EPB41L4A: variants seen among roughly 807,000 people sequenced by gnomAD.
EPB41L4A encodes the protein band 4.1-like protein 4A.
A neutral mutation model predicts 108.6 loss-of-function variants in EPB41L4A; 100 were observed. That is an observed-to-expected ratio of 0.92 (90% CI 0.78 to 1.09). EPB41L4A has a LOEUF of 1.09. EPB41L4A is among the 50% of genes least tolerant of loss of function. The pLI is 0.00. For missense variants in EPB41L4A, 1,030 were observed against 842.7 expected (o/e 1.22, Z -2.75); for synonymous variants, 319 against 289.0 (o/e 1.10, Z -1.05).
intron 4 of EPB41L4A, among the ~76,000 whole-genome samples, chr5:112,268,551 C>T (rs1361599901): frequency 6.6e-6 from 1 of 152,086 alleles, no homozygotes; most frequent in Non-Finnish European, 1.5e-5. Context: ...ATGCAAATTT[C>T]TCTTCCTCTA....
intron 12 of EPB41L4A, among the ~76,000 whole-genome samples, chr5:112,233,082 T>A (rs1749069554): frequency 6.6e-6 from 1 of 151,182 alleles, no homozygotes; most frequent in African/African-American, 2.4e-5. Context: ...CCATCAACAG[T>A]AGAATGAATA....
At chr5:112,145,465 T>A (rs1242945894) in intron 13 of EPB41L4A, among the ~76,000 whole-genome samples, 1 of 152,138 alleles carries the variant, frequency 6.6e-6, no homozygotes, top group Non-Finnish European at 1.5e-5. Context: ...AATAAATAAA[T>A]AAAAATAAGT....
intron 13 of EPB41L4A, among the ~76,000 whole-genome samples, chr5:112,145,406 G>T (rs1489965634): frequency 2.6e-5 from 4 of 152,200 alleles, no homozygotes; most frequent in African/African-American, 7.2e-5. Context: ...TGAAGAAACT[G>T]CTAAATGAAT....
At chr5:112,297,059 T>C (rs1337566615) in intron 2 of EPB41L4A, among the ~76,000 whole-genome samples, 1 of 152,064 alleles carries the variant, frequency 6.6e-6, no homozygotes, top group Non-Finnish European at 1.5e-5. Context: ...GCATTTGGGT[T>C]GGTTCCACAT....
In EPB41L4A at chr5:112,195,544, T is replaced by C. The variant is rs1028817382; in HGVS notation, c.1424+117A>G. 119 of 850,582 alleles carry C rather than the reference T, an allele frequency of 1.4e-4. No homozygotes were observed. The East Asian group carries it at 3.1e-3, about 22-fold the overall frequency. 52.7% of individuals were successfully genotyped at this position (850,582 alleles called of 1,614,324 possible). On this transcript the variant is annotated intron_variant, in intron 16 of 22. Transcript: ENST00000261486. ...GGAATCAGCTGAAGACAAACTGGCT[T>C]TTGAAAGTAAAAAAAATAAAAAAAA...
intron 1 of EPB41L4A, among the ~76,000 whole-genome samples, chr5:112,345,257 T>A (rs897600970): frequency 6.6e-6 from 1 of 152,050 alleles, no homozygotes; most frequent in Admixed American, 6.6e-5. Flanking sequence ...AATCCACAAC[T>A]GAGAAAAAAG....
At chr5:112,148,245 T>C (rs1362992896) in intron 12 of EPB41L4A, among the ~76,000 whole-genome samples, 2 of 149,000 alleles carry the variant, frequency 1.3e-5, no homozygotes, top group Non-Finnish European at 3.0e-5. Flanking sequence ...ACAAAAGTAG[T>C]TTCCATAGGT....
chr5:112,327,606 C>T (rs1253158331), intron 1 of EPB41L4A, among the ~76,000 whole-genome samples: 1 of 152,076 alleles, frequency 6.6e-6, no homozygotes, highest in Non-Finnish European at 1.5e-5. Context: ...GCCCTAACTA[C>T]TCTGGAGGCT....
chr5:112,259,964 C>G lies in EPB41L4A; in HGVS notation c.658G>C (p.Glu220Gln). 2 of 1,613,912 alleles carry G rather than the reference C, an allele frequency of 1.2e-6. No individual in the cohort carries two copies. The highest frequency in any genetic ancestry group is 1.7e-6 in the Non-Finnish European group (2 of 1,179,792). Residue 220 changes from glutamate (E) to glutamine (Q), a missense_variant, in exon 8 of 23, where the codon GAG becomes CAG. Physicochemically the swap from Glu to Gln is conservative, Grantham distance 29. Transcript: ENST00000261486. ...LHPVYGENKS[E>Q]YFLGLTPVGV... ...ACCGGAGTTAATCCTAAGAAATACT[C>G]AGACTTGTTTTCTCCCTGCAAAAAC...
intron 1 of EPB41L4A, among the ~76,000 whole-genome samples, chr5:112,354,493 C>T (rs1338357505): frequency 6.6e-6 from 1 of 152,130 alleles, no homozygotes; most frequent in African/African-American, 2.4e-5. Flanking sequence ...GAGGGAAGCT[C>T]TGTGGTAAGG....
chr5:112,238,016 C>T (rs1219408229), intron 11 of EPB41L4A, among the ~76,000 whole-genome samples: 1 of 152,142 alleles, frequency 6.6e-6, no homozygotes, highest in African/African-American at 2.4e-5. Flanking sequence ...CCAGTAGCCA[C>T]AACATTTGCA....
intron 7 of EPB41L4A, 115 bp downstream of exon 7, chr5:112,262,379 A>C (rs912580787): frequency 3.7e-6 from 3 of 804,078 alleles, no homozygotes; most frequent in Admixed American, 4.4e-5. Flanking sequence ...CAGATAAAAA[A>C]GTATCATCTG....
At chr5:112,397,769 GATT>G (rs1448955305) in intron 1 of EPB41L4A, among the ~76,000 whole-genome samples, 2 of 152,144 alleles carry the variant, frequency 1.3e-5, no homozygotes, top group Non-Finnish European at 1.5e-5. Context: ...AGCCCTATAT[GATT>G]ATTATTCCCC....
intron 1 of EPB41L4A, among the ~76,000 whole-genome samples, chr5:112,390,551 A>T (rs1047137866): frequency 6.6e-6 from 1 of 152,108 alleles, no homozygotes; most frequent in African/African-American, 2.4e-5. Context: ...CAGAAACTCA[A>T]ACTGGGTGGA....
At chr5:112,337,580 C>A (rs1757002359) in intron 1 of EPB41L4A, among the ~76,000 whole-genome samples, 1 of 152,118 alleles carries the variant, frequency 6.6e-6, no homozygotes, top group Non-Finnish European at 1.5e-5. Flanking sequence ...AAGTGATTGA[C>A]CTAAGGTCAC....
Position 112,204,479 on chromosome 5 carries a change from G to A in EPB41L4A, c.1272C>T (p.Tyr424=), listed in dbSNP as rs1208216401. The A allele has an allele frequency of 1.2e-6, 2 of 1,610,820 alleles. No individual in the cohort carries two copies. The highest frequency in any genetic ancestry group is 2.7e-5 in the African/African-American group (2 of 74,800). ...ACTTAGTGCGATCACTGGGAGAATT[G>A]TAGAGTCCACTGGAGAGAAAGAAAA... ...WEENGPQSGL[Y]NSPSDRTKSP... is the part of the protein sequence containing the mutation. Residue 424 remains tyrosine, a synonymous_variant, in exon 15 of 23, where the codon TAC becomes TAT. Transcript: ENST00000261486.
At chr5:112,331,832 G>A (rs1408852091) in intron 1 of EPB41L4A, among the ~76,000 whole-genome samples, 1 of 152,190 alleles carries the variant, frequency 6.6e-6, no homozygotes, top group East Asian at 1.9e-4. Context: ...TAAGGGATAT[G>A]CTGTCCATGG....
At chr5:112,391,385 T>A (rs1047349840) in intron 1 of EPB41L4A, among the ~76,000 whole-genome samples, 1 of 142,264 alleles carries the variant, frequency 7.0e-6, no homozygotes, top group East Asian at 1.9e-4. Context: ...AGACCTTAAA[T>A]GACCTGATGG....
rs572264137 is a variant in EPB41L4A, at chr5:112,164,315, G to A, written c.*675C>T. On this transcript the variant is annotated 3_prime_UTR_variant, in exon 23 of 23. Transcript: ENST00000261486. Reference sequence around the variant, plus strand: ...CCTTTTGCATCTGGGCACTAGTTGAGAACCAGCCCAGCCCTGGGAAGACGT... The same window carrying A: ...CCTTTTGCATCTGGGCACTAGTTGAAAACCAGCCCAGCCCTGGGAAGACGT... 12 of 152,350 alleles carry A rather than the reference G, an allele frequency of 7.9e-5. No homozygotes were observed. The highest frequency in any genetic ancestry group is 2.9e-4 in the African/African-American group (12 of 41,588). 9.4% of individuals were successfully genotyped at this position (152,350 alleles called of 1,614,324 possible).
Sources: gnomAD v4.1 joint callset for allele counts (sites outside exome capture counted in the v4.1 genomes callset) on GRCh38, gnomAD v4.1.1 for gene constraint, MANE v1.5 for transcripts, NCBI Gene and HGNC (gene_info 2026-07-23, HGNC 2026-07-21) for gene names.